FGD3: variants seen among roughly 807,000 people sequenced by gnomAD.
FGD3 encodes FYVE, RhoGEF and PH domain containing 3.
Under a neutral mutation model 71.8 loss-of-function variants are expected in FGD3, and 45 were observed. The ratio of observed to expected loss-of-function variants is 0.63; its 90% CI spans 0.49 to 0.80. The LOEUF (loss-of-function observed/expected upper bound fraction) is 0.80. Ranked by LOEUF, FGD3 falls within the 30% of genes least tolerant of loss-of-function variation. FGD3 has a pLI of 0.00. For synonymous variants in FGD3, 378 were observed against 392.8 expected (o/e 0.96, Z 0.44); for missense variants, 844 against 951.5 (o/e 0.89, Z 1.49).
In FGD3 at chr9:92,994,898, C is replaced by T. The variant is rs556468216; in HGVS notation, c.454-8027C>T. On this transcript the variant is annotated intron_variant, in intron 3 of 17. Coordinates refer to ENST00000375482, the MANE Select transcript of FGD3 (RefSeq NM_001083536.2). ...GTAGCCTTGTAATATAGTTTGAAGT[C>T]GGGTAGCATGATGCCTCCAGCTTTG... Among the ~76,000 whole-genome samples the T allele has an allele frequency of 4.6e-5, 7 of 152,240 alleles. No homozygotes were observed. In the South Asian group the frequency reaches 1.2e-3, roughly 27 times the overall value.
chr9:92,999,916 G>A (rs1860798942), intron 3 of FGD3, among the ~76,000 whole-genome samples: 1 of 152,004 alleles, frequency 6.6e-6, no homozygotes, highest in African/African-American at 2.4e-5. Flanking sequence ...TGATTGGGAA[G>A]TTTAATCCAT....
intron 11 of FGD3, among the ~76,000 whole-genome samples, chr9:93,018,909 A>G (rs1861807396): frequency 6.6e-6 from 1 of 152,014 alleles, no homozygotes. Context: ...GCAGTGGCAC[A>G]ATCTCGGCTC....
intron 6 of FGD3, 27 bp from the exon 7 acceptor site, chr9:93,010,219 T>G (rs1564161265): frequency 6.3e-7 from 1 of 1,580,924 alleles, no homozygotes; most frequent in Non-Finnish European, 8.6e-7. Context: ...GTCCTTGGAG[T>G]GCCCAATGCT....
intron 14 of FGD3, among the ~76,000 whole-genome samples, chr9:93,025,374 G>A (rs1354908408): frequency 6.6e-6 from 1 of 152,236 alleles, no homozygotes; most frequent in Non-Finnish European, 1.5e-5. Flanking sequence ...GCCTGGCCTG[G>A]CCCTGTGTTC....
rs991152338 is a variant in FGD3, at chr9:92,989,339, G to A, written c.453+12630G>A. Among the ~76,000 whole-genome samples, 181 of 152,168 alleles carry A rather than the reference G, an allele frequency of 1.2e-3. 1 individual carries two copies. The highest frequency in any genetic ancestry group is 6.8e-4 in the African/African-American group (28 of 41,434). On this transcript the variant is annotated intron_variant, in intron 3 of 17. Transcript: ENST00000375482. ...GCTGGGATTACAGGCGTGATCCACC[G>A]CGCCTGGCCAACCCCTGACCTCTTC... is the stretch of plus-strand genomic sequence containing the variant.
chr9:92,953,082 T>C (rs149547956), intron 1 of FGD3, among the ~76,000 whole-genome samples: 1 of 152,330 alleles, frequency 6.6e-6, no homozygotes, highest in East Asian at 1.9e-4. Flanking sequence ...TGTTTCTGGT[T>C]GACGCTGTGC....
intron 1 of FGD3, among the ~76,000 whole-genome samples, chr9:92,964,878 C>T (rs35721889): frequency 0.32 from 49,383 of 152,092 alleles, 8,407 homozygotes; most frequent in Middle Eastern, 0.43. Flanking sequence ...TGGTCCCAGA[C>T]GTGTCCTGGG....
chr9:92,951,768 G>A (rs1191507631), intron 1 of FGD3, among the ~76,000 whole-genome samples: 1 of 152,156 alleles, frequency 6.6e-6, no homozygotes, highest in Non-Finnish European at 1.5e-5. Flanking sequence ...TGAAACACTG[G>A]TGCCTGAAGG....
intron 17 of FGD3, among the ~76,000 whole-genome samples, chr9:93,035,048 C>T (rs906151752): frequency 1.3e-5 from 2 of 152,198 alleles, no homozygotes; most frequent in Admixed American, 6.5e-5. Flanking sequence ...TGCCTCGCCT[C>T]CCCAGGGGCC....
intron 14 of FGD3, among the ~76,000 whole-genome samples, chr9:93,027,599 G>A (rs565715426): frequency 6.6e-6 from 1 of 151,990 alleles, no homozygotes; most frequent in East Asian, 1.9e-4. Flanking sequence ...TTCAACATAC[G>A]AATTTGGGGG....
At chr9:92,978,941 A>AT (rs1273560299) in intron 3 of FGD3, among the ~76,000 whole-genome samples, 1 of 150,230 alleles carries the variant, frequency 6.7e-6, no homozygotes, top group Non-Finnish European at 1.5e-5. Flanking sequence ...GCACCAACTG[A>AT]TTTTTTTGTG....
chr9:93,003,115 T>A lies in FGD3; in HGVS notation c.543+101T>A, dbSNP rs1860921308. The stretch of plus-strand genomic sequence containing the variant: ...TTAAATACTAAAACTCAGACAAATT[T>A]AAGTCTGGTCTACAAACTTTTTTTT... On this transcript the variant is annotated intron_variant, in intron 4 of 17. Coordinates refer to ENST00000375482, the MANE Select transcript of FGD3 (RefSeq NM_001083536.2). The surrounding 1 kb of genome is among the most constrained non-coding windows in gnomAD (Gnocchi z 4.1). The A allele has an allele frequency of 8.4e-6, 10 of 1,196,654 alleles. No homozygotes were observed. The highest frequency in any genetic ancestry group is 1.2e-5 in the Non-Finnish European group (10 of 835,756). The allele number at this position is 1,196,654 out of a possible 1,614,324, so 74.1% of individuals were successfully genotyped here.
In FGD3 at chr9:93,004,157, G is replaced by A. The variant is rs1450931288; in HGVS notation, c.680+20G>A. On this transcript the variant is annotated intron_variant, in intron 5 of 17. Transcript: ENST00000375482. ...GGAGTGGTGAGTACCATCTGCGCATGCCCATGGGGCCCCTCAAGTGTTCTC... is the reference window on the plus strand; with the variant it reads ...GGAGTGGTGAGTACCATCTGCGCATACCCATGGGGCCCCTCAAGTGTTCTC... 6.2e-7 allele frequency: 1 copy of A among 1,611,948 alleles called. No individual in the cohort carries two copies. The highest frequency in any genetic ancestry group is 8.5e-7 in the Non-Finnish European group (1 of 1,179,912).
At chr9:92,982,664 T>C (rs1159560526) in intron 3 of FGD3, among the ~76,000 whole-genome samples, 1 of 151,896 alleles carries the variant, frequency 6.6e-6, no homozygotes, top group Non-Finnish European at 1.5e-5. Flanking sequence ...TTCTGCTTGA[T>C]ATTCATGAAC....
At chr9:92,998,174 A>G (rs10116009) in intron 3 of FGD3, among the ~76,000 whole-genome samples, 2,412 of 151,412 alleles carry the variant, frequency 0.016, 64 homozygotes, top group African/African-American at 0.055. Flanking sequence ...GTTTCTTTTT[A>G]CTCTTTTTTC....
In FGD3 at chr9:93,018,127, C is replaced by T; in HGVS notation, c.1276-9C>T. The stretch of plus-strand genomic sequence containing the variant: ...GGGTTTGCTTTGTTCTTTGTTCTTG[C>T]CCCTTCAGGTGCAGGATATCGTCAA... On this transcript the variant is annotated splice_polypyrimidine_tract_variant and intron_variant, in intron 10 of 17. Transcript: ENST00000375482. 6.2e-7 allele frequency: 1 copy of T among 1,613,702 alleles called. No homozygotes were observed. The highest frequency in any genetic ancestry group is 8.5e-7 in the Non-Finnish European group (1 of 1,179,686).
intron 5 of FGD3, 111 bp from the exon 6 acceptor site, chr9:93,005,913 T>C: frequency 8.1e-7 from 1 of 1,239,828 alleles, no homozygotes; most frequent in Non-Finnish European, 1.1e-6. Context: ...TTGCTCACCA[T>C]CACACAGAGC....
At chr9:92,982,220 G>A (rs529492766) in intron 3 of FGD3, among the ~76,000 whole-genome samples, 2 of 152,198 alleles carry the variant, frequency 1.3e-5, no homozygotes, top group African/African-American at 4.8e-5. Context: ...TTCCATGTAT[G>A]AGTAAGAATA....
intron 11 of FGD3, among the ~76,000 whole-genome samples, chr9:93,019,424 T>C (rs1054634238): frequency 6.6e-6 from 1 of 152,248 alleles, no homozygotes; most frequent in Non-Finnish European, 1.5e-5. Context: ...TGTGTAATTG[T>C]AGCCGTCAGA....
Sources: gnomAD v4.1 joint callset for allele counts (sites outside exome capture counted in the v4.1 genomes callset) on GRCh38, gnomAD v4.1.1 for gene constraint, Gnocchi (gnomAD v3.1) non-coding constraint, MANE v1.5 for transcripts, NCBI Gene and HGNC (gene_info 2026-07-23, HGNC 2026-07-21) for gene names.